Variants in DEPTOR observed in about 807,000 individuals in gnomAD.
The protein encoded by DEPTOR is DEP domain containing MTOR interacting protein.
Under a neutral mutation model 41.6 loss-of-function variants are expected in DEPTOR, and 41 were observed. That is an observed-to-expected ratio of 0.98 (90% CI 0.77 to 1.28). The LOEUF is 1.28. DEPTOR is among the 50% of genes most tolerant of loss of function. DEPTOR has a pLI of 0.00. For missense variants in DEPTOR, 514 were observed against 527.9 expected (o/e 0.97, Z 0.26); for synonymous variants, 195 against 192.3 (o/e 1.01, Z -0.12).
At chr8:120,037,566 T>C (rs1812997127) in intron 8 of DEPTOR, among the ~76,000 whole-genome samples, 1 of 152,120 alleles carries the variant, frequency 6.6e-6, no homozygotes, top group Non-Finnish European at 1.5e-5. Flanking sequence ...ACACTTAATA[T>C]TCATGTGTTA....
intron 8 of DEPTOR, among the ~76,000 whole-genome samples, chr8:120,038,887 G>A (rs756528658): frequency 3.3e-5 from 5 of 152,198 alleles, no homozygotes; most frequent in Admixed American, 6.5e-5. Flanking sequence ...TAGGACCTGC[G>A]TTGGGAATTT....
At chr8:120,001,808 C>A (rs1021029478) in intron 5 of DEPTOR, 98 bp downstream of exon 5, 12 of 1,365,916 alleles carry the variant, frequency 8.8e-6, no homozygotes, top group Non-Finnish European at 1.2e-5. Flanking sequence ...TCTATCAGAG[C>A]GTAGAATTTT....
At chr8:119,886,565 C>T (rs1423913172) in intron 1 of DEPTOR, among the ~76,000 whole-genome samples, 1 of 152,058 alleles carries the variant, frequency 6.6e-6, no homozygotes, top group African/African-American at 2.4e-5. Context: ...AGGAGTCACT[C>T]CACGATTCAC....
At chr8:119,966,970 C>T (rs1368586918) in intron 4 of DEPTOR, among the ~76,000 whole-genome samples, 1 of 152,108 alleles carries the variant, frequency 6.6e-6, no homozygotes, top group East Asian at 1.9e-4. Context: ...GTAGAGCAGC[C>T]CAACAAGGCC....
intron 8 of DEPTOR, among the ~76,000 whole-genome samples, chr8:120,019,020 T>G (rs1812655662): frequency 6.6e-6 from 1 of 152,090 alleles, no homozygotes; most frequent in Non-Finnish European, 1.5e-5. Flanking sequence ...ATGCACAGCT[T>G]TTGGCCAGCT....
chr8:120,032,519 C>T (rs954064810), intron 8 of DEPTOR, among the ~76,000 whole-genome samples: 1 of 152,150 alleles, frequency 6.6e-6, no homozygotes, highest in Non-Finnish European at 1.5e-5. Context: ...CCACACCCAG[C>T]CAACACTAAC....
chr8:119,917,454 G>C (rs111486708), intron 1 of DEPTOR, among the ~76,000 whole-genome samples: 33,351 of 152,100 alleles, frequency 0.22, 4,221 homozygotes, highest in African/African-American at 0.34. Context: ...GAAACATGTG[G>C]TGTGTCAACT....
intron 1 of DEPTOR, among the ~76,000 whole-genome samples, chr8:119,920,344 T>C (rs889995350): frequency 6.6e-6 from 1 of 152,192 alleles, no homozygotes; most frequent in Non-Finnish European, 1.5e-5. Context: ...CCCTTTAGTA[T>C]CCCTAATGTC....
chr8:119,996,825 T>A (rs9643139), intron 4 of DEPTOR, among the ~76,000 whole-genome samples: 55,763 of 152,094 alleles, frequency 0.37, 10,960 homozygotes, highest in East Asian at 0.59. Context: ...GCTATATATT[T>A]GCAGGTTATA....
chr8:120,002,583 G>A (rs754146088), intron 5 of DEPTOR, among the ~76,000 whole-genome samples: 27 of 151,076 alleles, frequency 1.8e-4, no homozygotes, highest in African/African-American at 4.9e-4. Context: ...TTATCCACCC[G>A]TTATCAGGGG....
chr8:120,018,357 C>T (rs1247578771), intron 8 of DEPTOR, among the ~76,000 whole-genome samples: 1 of 152,146 alleles, frequency 6.6e-6, no homozygotes, highest in East Asian at 1.9e-4. Flanking sequence ...GCAGGCGGAT[C>T]ACCTGAGATC....
chr8:120,001,812 G>C, intron 5 of DEPTOR, 102 bp downstream of exon 5: 2 of 1,343,368 alleles, frequency 1.5e-6, no homozygotes, highest in African/African-American at 2.9e-5. Context: ...TCAGAGCGTA[G>C]AATTTTTACT....
rs554173976 is a variant in DEPTOR, at chr8:120,011,045, T to C, written c.1101+1912T>C. On this transcript the variant is annotated intron_variant, in intron 8 of 8. Transcript: ENST00000286234. ...CCTGTTCATTTATTCAATACTTTCA[T>C]CCTCTTCCATCAGTCTTTTCCTAGA... Among the ~76,000 whole-genome samples, 7 of 152,334 alleles carry C rather than the reference T, an allele frequency of 4.6e-5. No individual in the cohort carries two copies. In the South Asian group the frequency reaches 1.4e-3, roughly 32 times the overall value.
intron 3 of DEPTOR, among the ~76,000 whole-genome samples, chr8:119,932,769 G>A (rs1474689327): frequency 6.6e-6 from 1 of 152,176 alleles, no homozygotes; most frequent in Non-Finnish European, 1.5e-5. Context: ...GACTTACTGA[G>A]GGTGGTGGGG....
intron 8 of DEPTOR, among the ~76,000 whole-genome samples, chr8:120,028,151 C>CA (rs1554586842): frequency 6.6e-6 from 1 of 151,416 alleles, no homozygotes; most frequent in Non-Finnish European, 1.5e-5. Context: ...AGATGATGTA[C>CA]TTTTTTTTTC....
At chr8:120,003,213 A>G in intron 6 of DEPTOR, 102 bp downstream of exon 6, 1 of 1,535,374 alleles carries the variant, frequency 6.5e-7, no homozygotes, top group South Asian at 1.2e-5. Context: ...TGTGGGTTCT[A>G]ATAAGTTAGA....
intron 4 of DEPTOR, among the ~76,000 whole-genome samples, chr8:119,971,850 C>T (rs1342639890): frequency 1.3e-5 from 2 of 152,158 alleles, no homozygotes; most frequent in South Asian, 2.1e-4. Context: ...TCTGCTTGCT[C>T]AGCCAGCCAC....
chr8:119,977,249 C>T (rs1375549318), intron 4 of DEPTOR, among the ~76,000 whole-genome samples: 7 of 152,098 alleles, frequency 4.6e-5, no homozygotes, highest in Non-Finnish European at 1.0e-4. Flanking sequence ...GTGATCCGCC[C>T]GCCCTAGCCT....
chr8:119,967,325 C>T (rs1828574802), intron 4 of DEPTOR, among the ~76,000 whole-genome samples: 1 of 151,374 alleles, frequency 6.6e-6, no homozygotes, highest in Non-Finnish European at 1.5e-5. Context: ...GGTGATCCAT[C>T]TGCCTCAGCC....
Sources: allele counts gnomAD v4.1 joint callset (sites outside exome capture counted in the v4.1 genomes callset), GRCh38; gene constraint gnomAD v4.1.1; transcripts MANE v1.5; gene names NCBI Gene and HGNC (gene_info 2026-07-23, HGNC 2026-07-21).